BRF1: variants seen among roughly 807,000 people sequenced by gnomAD.
BRF1 encodes transcription factor IIIB 90 kDa subunit.
BRF1 carries 59 observed loss-of-function variants against 81.7 expected under a neutral mutation model. That is an observed-to-expected ratio of 0.72 (90% CI 0.59 to 0.90). The LOEUF is 0.90. BRF1 is among the 40% of genes least tolerant of loss of function. The pLI, the probability that BRF1 is intolerant of heterozygous loss-of-function variation, is 0.00. For missense variants in BRF1, 1,050 were observed against 936.3 expected, an observed-to-expected ratio of 1.12 and a Z score of -1.58; for synonymous variants, 491 against 395.6, an observed-to-expected ratio of 1.24 and a Z score of -2.86.
At chr14:105,228,700 C>T (rs1040069819) in intron 7 of BRF1, 120 bp downstream of exon 7, 37 of 1,174,432 alleles carry the variant, frequency 3.2e-5, no homozygotes, top group Admixed American at 1.7e-4. Context: ...TAGGTCCTGG[C>T]CAGCAGCCAG....
intron 4 of BRF1, chr14:105,256,265 A>G: frequency 6.5e-7 from 1 of 1,544,632 alleles, no homozygotes; most frequent in Non-Finnish European, 8.7e-7. Context: ...GGCCTAGCTA[A>G]CACCCAACCG....
At chr14:105,289,599 C>T (rs2057440671) in intron 1 of BRF1, among the ~76,000 whole-genome samples, 2 of 152,178 alleles carry the variant, frequency 1.3e-5, no homozygotes, top group East Asian at 1.9e-4. Context: ...CCTGCAACTC[C>T]GACCCTCCCT....
At chr14:105,248,767 T>C in intron 5 of BRF1, 1 of 980,968 alleles carries the variant, frequency 1.0e-6, no homozygotes, top group Non-Finnish European at 1.2e-6. Context: ...CTGACCTCCT[T>C]GCTTTTGCTT....
intron 5 of BRF1, chr14:105,247,125 G>A: frequency 2.0e-6 from 2 of 985,494 alleles, no homozygotes; most frequent in Non-Finnish European, 1.2e-6. Flanking sequence ...AGCAGCCAGC[G>A]TGTCTTTGCC....
chr14:105,282,344 C>T (rs1438004069), intron 2 of BRF1, among the ~76,000 whole-genome samples: 1 of 152,198 alleles, frequency 6.6e-6, no homozygotes, highest in Non-Finnish European at 1.5e-5. Flanking sequence ...ACTGTCGCTG[C>T]GGGCAGGAAG....
intron 1 of BRF1, among the ~76,000 whole-genome samples, chr14:105,299,832 CAT>C (rs1210470273): frequency 1.3e-5 from 2 of 152,234 alleles, no homozygotes; most frequent in African/African-American, 4.8e-5. Flanking sequence ...GACAGTTTCC[CAT>C]AGAGTTACAC....
intron 6 of BRF1, among the ~76,000 whole-genome samples, chr14:105,229,628 T>G (rs963335078): frequency 6.6e-6 from 1 of 151,070 alleles, no homozygotes. Context: ...ACTAGAACAG[T>G]CGCCCAGCTG....
rs1380786450 is a variant in BRF1 at position 105,211,244 on chromosome 14, T to C, written c.1874A>G (p.Gln625Arg). The C allele has an allele frequency of 1.2e-6, 2 of 1,609,348 alleles. No individual in the cohort carries two copies. Among genetic ancestry groups the C allele is most frequent in the African/African-American group, 1.3e-5 (1 of 74,896 alleles). Residue 625 changes from glutamine (Q) to arginine (R), a missense_variant, in exon 17 of 18, where the codon CAG (glutamine) becomes CGG (arginine). By Grantham distance (43) the Gln-to-Arg change is conservative. Around this residue, in one of 2 missense-constraint regions of BRF1, gnomAD observed 1,043 missense variants for 915.4 expected, o/e 1.14. Transcript: ENST00000547530. ...PTLGAEPARP[Q>R]AVLVESGPVS... Reference sequence around the variant, plus strand: ...GGGCCCGCTCTCCACCAGCACCGCCTGGGGCCTGGCAGGCTCAGCTCCGAG... The same window carrying C: ...GGGCCCGCTCTCCACCAGCACCGCCCGGGGCCTGGCAGGCTCAGCTCCGAG...
chr14:105,250,075 C>T lies in BRF1; in HGVS notation c.544+2432G>A, dbSNP rs2055502963. 4 of 1,613,060 alleles carry T rather than the reference C, an allele frequency of 2.5e-6. No homozygotes were observed. The East Asian group carries it at 6.7e-5, about 27-fold the overall frequency. On this transcript the variant is annotated intron_variant, in intron 5 of 17. Coordinates refer to ENST00000547530, the MANE Select transcript of BRF1 (RefSeq NM_001519.4). ...CCCTCTATCTGGTCCGAATTCCAAC[C>T]ATGACCCTAGAGGAGTTTGCCAACG...
chr14:105,223,586 T>C (rs1410914460), intron 10 of BRF1, among the ~76,000 whole-genome samples: 3 of 152,234 alleles, frequency 2.0e-5, no homozygotes, highest in African/African-American at 4.8e-5. Context: ...TACGGAATTC[T>C]ACAGAATACA....
rs2056574522 is a variant in BRF1, at chr14:105,269,649, A to C, written c.439+3072T>G. Among the ~76,000 whole-genome samples, 1 of 152,084 alleles carries C rather than the reference A, an allele frequency of 6.6e-6. No individual in the cohort carries two copies. The highest frequency in any genetic ancestry group is 6.5e-5 in the Admixed American group (1 of 15,276). On this transcript the variant is annotated intron_variant, in intron 3 of 17. Transcript: ENST00000547530. The surrounding 1 kb of genome is among the most constrained non-coding windows in gnomAD (Gnocchi z 5.0). ...TGGAGCGTGTGGGAACTTTGTGGCT[A>C]AAGGTGGTCCTGCCAGACTCAGAGG...
Position 105,217,658 on chromosome 14 carries a change from C to T in BRF1, c.1658G>A (p.Ser553Asn). ...GGGCTGTGCATCCTCCCTGTGCGGACTGCCCCCGCCGGCGCTGCTGAGGCC... is the reference window on the plus strand; with the variant it reads ...GGGCTGTGCATCCTCCCTGTGCGGATTGCCCCCGCCGGCGCTGCTGAGGCC... ...LRGLSSAGGG[S>N]PHREDAQPEH... The change falls in exon 15 of 18, where the codon AGT becomes AAT. Residue 553 changes from serine to asparagine, a missense_variant. Transcript: ENST00000547530. 4.3e-6 allele frequency: 7 copies of T among 1,613,322 alleles called. No individual in the cohort carries two copies. The highest frequency in any genetic ancestry group is 5.9e-6 in the Non-Finnish European group (7 of 1,180,022).
At chr14:105,314,365 G>A (rs907018285) in intron 1 of BRF1, 2 of 151,924 alleles carry the variant, frequency 1.3e-5, no homozygotes, top group African/African-American at 4.8e-5. Context: ...CATCGCCAGG[G>A]CGACGATGAG....
intron 1 of BRF1, among the ~76,000 whole-genome samples, chr14:105,307,767 C>T (rs897164628): frequency 6.6e-6 from 1 of 152,222 alleles, no homozygotes; most frequent in Non-Finnish European, 1.5e-5. Context: ...CCTAGCACTG[C>T]GGAGTATGAT....
chr14:105,229,009 G>A (rs748464600), intron 6 of BRF1, 96 bp from the exon 7 acceptor site: 63 of 1,127,522 alleles, frequency 5.6e-5, no homozygotes, highest in Non-Finnish European at 7.6e-5. Flanking sequence ...CGGTCACGGA[G>A]ATGATGGCCT....
At position 105,241,425 on chromosome 14, in the gene BRF1, C is replaced by T. The variant is rs1455214012; in HGVS notation, c.545-11G>A. The T allele has an allele frequency of 1.2e-6, 2 of 1,609,786 alleles. No individual in the cohort carries two copies. Among genetic ancestry groups the T allele is most frequent in the Non-Finnish European group, 1.7e-6 (2 of 1,179,848 alleles). ...TATACAGGCACGGGTCTGCGGCAGA[C>T]ACAGCACCTCAGTGCCCACCTCCAT... On this transcript the variant is annotated splice_polypyrimidine_tract_variant and intron_variant, in intron 5 of 17. Transcript: ENST00000547530.
chr14:105,246,911 G>C, intron 5 of BRF1: 2 of 985,438 alleles, frequency 2.0e-6, no homozygotes, highest in Non-Finnish European at 2.4e-6. Flanking sequence ...GGAGACAGCT[G>C]TCGCCCAGGT....
intron 1 of BRF1, among the ~76,000 whole-genome samples, chr14:105,313,290 C>T (rs1199718905): frequency 6.6e-6 from 1 of 152,218 alleles, no homozygotes; most frequent in Non-Finnish European, 1.5e-5. Flanking sequence ...CCATCACAGA[C>T]AGCCTGTCCT....
At chr14:105,274,422 G>A (rs147279186) in intron 2 of BRF1, among the ~76,000 whole-genome samples, 3,907 of 152,142 alleles carry the variant, frequency 0.026, 124 homozygotes, top group African/African-American at 0.073. Context: ...TCAGTCTCTC[G>A]TCCCACCTGA....
Sources: gnomAD v4.1 joint callset for allele counts (sites outside exome capture counted in the v4.1 genomes callset) on GRCh38, gnomAD v4.1.1 for gene constraint, gnomAD v4.1.1 regional missense constraint, Gnocchi (gnomAD v3.1) non-coding constraint, MANE v1.5 for transcripts, NCBI Gene and HGNC (gene_info 2026-07-23, HGNC 2026-07-21) for gene names.